GHITM: variants seen among roughly 807,000 people sequenced by gnomAD.
GHITM encodes growth hormone inducible transmembrane protein.
In GHITM, 24 loss-of-function variants were observed where a neutral mutation model predicts 38.7. The observed-to-expected ratio is 0.62, with a 90% CI of 0.45 to 0.87. The LOEUF (loss-of-function observed/expected upper bound fraction) is 0.87, where lower values mean the gene tolerates loss of function less well. Among genes scored for constraint, GHITM ranks in the 40% least tolerant of loss-of-function variants. GHITM has a pLI of 0.00. For synonymous variants in GHITM, 154 were observed against 147.8 expected, an observed-to-expected ratio of 1.04 and a Z score of -0.30; for missense variants, 420 against 429.8, an observed-to-expected ratio of 0.98 and a Z score of 0.20.
At chr10:84,147,872 T>C (rs1841571380) in intron 5 of GHITM, among the ~76,000 whole-genome samples, 1 of 152,190 alleles carries the variant, frequency 6.6e-6, no homozygotes, top group Non-Finnish European at 1.5e-5. Context: ...GTGTAGAATC[T>C]TATTTCTCAT....
chr10:84,145,115 T>C (rs1383814543), intron 5 of GHITM, 99 bp downstream of exon 5: 2 of 850,492 alleles, frequency 2.4e-6, no homozygotes, highest in Non-Finnish European at 3.4e-6. Context: ...GAATACTGTA[T>C]TGAACAAGTT....
chr10:84,148,908 G>A (rs1841583583), intron 6 of GHITM, 70 bp downstream of exon 6: 5 of 841,216 alleles, frequency 5.9e-6, no homozygotes, highest in African/African-American at 1.7e-5. Flanking sequence ...CTTCACAGTT[G>A]TAAATGACCT....
chr10:84,151,638 G>C (rs926281685), intron 8 of GHITM, among the ~76,000 whole-genome samples: 1 of 152,134 alleles, frequency 6.6e-6, no homozygotes, highest in Admixed American at 6.5e-5. Context: ...TCAGTATAAA[G>C]AGTCTAGTTT....
At chr10:84,150,657 T>C (rs1841602317) in intron 7 of GHITM, 52 bp from the exon 8 acceptor site, 4 of 1,414,630 alleles carry the variant, frequency 2.8e-6, no homozygotes, top group Non-Finnish European at 3.9e-6. Flanking sequence ...ATAAACTCAG[T>C]TATCGGAAAT....
rs1251924399 is a variant in GHITM, at chr10:84,150,763, C to T, written c.836C>T (p.Ala279Val). ...TVAGATLYSV[A>V]MYGGLVLFSM... ...GCTGGTGCCACTCTTTACTCAGTGG[C>T]AATGTACGGTGGATTAGTTCTTTTC... is the stretch of plus-strand genomic sequence containing the variant. The change falls in exon 8 of 9, where the codon GCA becomes GTA. Residue 279 changes from alanine to valine, a missense_variant. Transcript: ENST00000372134. 4.3e-6 allele frequency: 7 copies of T among 1,612,540 alleles called. No individual in the cohort carries two copies. The highest frequency in any genetic ancestry group is 5.1e-6 in the Non-Finnish European group (6 of 1,178,646).
At chr10:84,143,668 A>G (rs1442060242) in intron 3 of GHITM, among the ~76,000 whole-genome samples, 2 of 152,180 alleles carry the variant, frequency 1.3e-5, no homozygotes, top group African/African-American at 4.8e-5. Context: ...TGTCATGTGA[A>G]TATACTTCAA....
intron 3 of GHITM, among the ~76,000 whole-genome samples, chr10:84,143,715 G>A (rs1039633908): frequency 6.6e-6 from 1 of 152,148 alleles, no homozygotes; most frequent in Non-Finnish European, 1.5e-5. Context: ...CACAGAAGTA[G>A]CTCCACGTCT....
In GHITM at chr10:84,144,417, G is replaced by A. The variant is rs183086693; in HGVS notation, c.341+311G>A. On this transcript the variant is annotated intron_variant, in intron 4 of 8. Coordinates refer to ENST00000372134, the MANE Select transcript of GHITM (RefSeq NM_014394.3). Reference sequence around the variant, plus strand: ...ATCTCCCAGGCTGGGGTGCAGTGGCGCGATCTTGGCTCACTGCAACCTCCG... The same window carrying A: ...ATCTCCCAGGCTGGGGTGCAGTGGCACGATCTTGGCTCACTGCAACCTCCG... Among the ~76,000 whole-genome samples the A allele has an allele frequency of 1.4e-3, 220 of 152,188 alleles. 1 individual carries two copies. Among genetic ancestry groups the A allele is most frequent in the Non-Finnish European group, 2.6e-3 (177 of 68,002 alleles).
intron 1 of GHITM, 30 bp from the exon 2 acceptor site, chr10:84,141,432 T>A: frequency 6.9e-7 from 1 of 1,455,446 alleles, no homozygotes; most frequent in Non-Finnish European, 9.6e-7. Flanking sequence ...TTATGTTTTT[T>A]TGGTTGGTTT....
At position 84,141,364 on chromosome 10, in the gene GHITM, G is replaced by C. The variant is rs1456585544; in HGVS notation, c.-39-98G>C. The C allele has an allele frequency of 9.1e-6, 6 of 656,856 alleles. No individual in the cohort carries two copies. The East Asian group carries it at 1.6e-4, about 17-fold the overall frequency. The allele number at this position is 656,856 out of a possible 1,614,324, so 40.7% of individuals were successfully genotyped here. A position where few individuals can be genotyped will look rare whatever the true frequency, so the allele number is the denominator to read the frequency against. ...TTCCTGTTCTACTAAAAAATAGTTTGTTCCTTGACTCTGACTCTCATATGT... is the reference window on the plus strand; with the variant it reads ...TTCCTGTTCTACTAAAAAATAGTTTCTTCCTTGACTCTGACTCTCATATGT... On this transcript the variant is annotated intron_variant, in intron 1 of 8. Coordinates refer to ENST00000372134, the MANE Select transcript of GHITM (RefSeq NM_014394.3).
intron 5 of GHITM, among the ~76,000 whole-genome samples, chr10:84,148,227 C>G (rs4601702): frequency 0.12 from 17,935 of 151,670 alleles, 2,407 homozygotes; most frequent in African/African-American, 0.33. Context: ...TTAGCCAAAA[C>G]TCTGAAATAA....
intron 5 of GHITM, among the ~76,000 whole-genome samples, chr10:84,147,345 C>T (rs1336834655): frequency 6.6e-6 from 1 of 152,202 alleles, no homozygotes; most frequent in African/African-American, 2.4e-5. Context: ...GGTCCTTTCA[C>T]CTCAGCCACC....
Position 84,143,868 on chromosome 10 carries a change from G to T in GHITM, c.230-127G>T, listed in dbSNP as rs995528823. ...GTTACCTAACATTGAGGCAATTTCT[G>T]TACCCCATATGCACTGATTATGGCT... On this transcript the variant is annotated intron_variant, in intron 3 of 8. Transcript: ENST00000372134. The T allele has an allele frequency of 9.2e-6, 6 of 655,252 alleles. No individual in the cohort carries two copies. The Admixed American group carries it at 1.0e-4, about 11-fold the overall frequency. 40.6% of individuals were successfully genotyped at this position (655,252 alleles called of 1,614,324 possible).
At chr10:84,149,542 T>C (rs1841590278) in intron 6 of GHITM, among the ~76,000 whole-genome samples, 1 of 107,934 alleles carries the variant, frequency 9.3e-6, no homozygotes, top group Non-Finnish European at 1.8e-5. Context: ...GGTAAATTTT[T>C]TACGAAATTG....
chr10:84,147,167 TTGC>T, intron 5 of GHITM, among the ~76,000 whole-genome samples: 2 of 152,330 alleles, frequency 1.3e-5, no homozygotes, highest in South Asian at 4.1e-4. Context: ...AAAAATTTAA[TTGC>T]TGCTGTCCAC....
At chr10:84,142,854 T>A in intron 3 of GHITM, 100 bp downstream of exon 3, 1 of 559,204 alleles carries the variant, frequency 1.8e-6, no homozygotes, top group African/African-American at 1.9e-5. Flanking sequence ...GTGCATTTTC[T>A]GGGAAGACCA....
chr10:84,147,848 C>T (rs902840720), intron 5 of GHITM, among the ~76,000 whole-genome samples: 1 of 152,024 alleles, frequency 6.6e-6, no homozygotes, highest in Admixed American at 6.5e-5. Context: ...AGCCATAAAC[C>T]TGGAAGGGTA....
At chr10:84,145,159 C>T in intron 5 of GHITM, 143 bp downstream of exon 5, 1 of 565,972 alleles carries the variant, frequency 1.8e-6, no homozygotes. Context: ...ACAGGTTGAG[C>T]ATCCCTAATT....
At chr10:84,146,320 C>T (rs1841556389) in intron 5 of GHITM, among the ~76,000 whole-genome samples, 1 of 152,068 alleles carries the variant, frequency 6.6e-6, no homozygotes, top group Admixed American at 6.6e-5. Flanking sequence ...GTTTTTAGAA[C>T]CAATGTGGAA....
Sources: allele counts gnomAD v4.1 joint callset (sites outside exome capture counted in the v4.1 genomes callset), GRCh38; gene constraint gnomAD v4.1.1; transcripts MANE v1.5; gene names NCBI Gene and HGNC (gene_info 2026-07-23, HGNC 2026-07-21).